The following ZNF765 variants were observed in gnomAD, a reference collection of about 807,000 sequenced individuals.
ZNF765 encodes the protein zinc finger protein 765.
ZNF765 carries 37 observed loss-of-function variants against 44.7 expected under a neutral mutation model. The ratio of observed to expected loss-of-function variants is 0.83; its 90% CI spans 0.64 to 1.09. The LOEUF is 1.09. Ranked by LOEUF, ZNF765 falls within the 50% of genes least tolerant of loss-of-function variation. The pLI, the probability that ZNF765 is intolerant of heterozygous loss-of-function variation, is 0.00. For missense variants in ZNF765, 594 were observed against 626.1 expected, an observed-to-expected ratio of 0.95 and a Z score of 0.55; for synonymous variants, 201 against 213.7, an observed-to-expected ratio of 0.94 and a Z score of 0.52.
intron 3 of ZNF765, among the ~76,000 whole-genome samples, chr19:53,419,693 C>T (rs1456885657): frequency 6.6e-6 from 1 of 152,130 alleles, no homozygotes; most frequent in Non-Finnish European, 1.5e-5. Context: ...CATTATATCC[C>T]CTAAATAGAC....
chr19:53,408,612 A>G lies in ZNF765; in HGVS notation c.1057A>G (p.Lys353Glu), dbSNP rs1484417810. 2 of 1,613,860 alleles carry G rather than the reference A, an allele frequency of 1.2e-6. No individual in the cohort carries two copies. The highest frequency in any genetic ancestry group is 1.7e-5 in the Admixed American group (1 of 59,986). ...CCATCGTAGGCTTCATACTGGAGAG[A>G]AACCTTACAAGTGTAATGAGTGTGG... ...TCHRRLHTGE[K>E]PYKCNECGKT... is the part of the protein sequence containing the mutation. Residue 353 changes from lysine (K) to glutamate (E), a missense_variant, in exon 4 of 4, where the codon AAA becomes GAA. Lys to Glu is a moderately conservative substitution (Grantham distance 56, BLOSUM62 1). Transcript: ENST00000396408.
At chr19:53,397,214 C>G (rs547776022) in intron 1 of ZNF765, among the ~76,000 whole-genome samples, 42 of 152,306 alleles carry the variant, frequency 2.8e-4, no homozygotes, top group African/African-American at 7.9e-4. Context: ...ATTAAACTTT[C>G]TACATACTCC....
chr19:53,396,350 A>G (rs1384113691), intron 1 of ZNF765, among the ~76,000 whole-genome samples: 1 of 152,248 alleles, frequency 6.6e-6, no homozygotes, highest in East Asian at 1.9e-4. Context: ...TGCGGGAGAC[A>G]GAACGATGTT....
intron 1 of ZNF765, 35 bp downstream of exon 1, chr19:53,395,228 T>A (rs1394099326): frequency 2.6e-5 from 4 of 152,260 alleles, no homozygotes; most frequent in Non-Finnish European, 5.9e-5. Context: ...AAGTCTGTGC[T>A]TCCCAGGTCC....
chr19:53,407,878 G>A lies in ZNF765; in HGVS notation c.323G>A (p.Gly108Asp). The A allele has an allele frequency of 6.2e-7, 1 of 1,613,724 alleles. No individual in the cohort carries two copies. Among genetic ancestry groups the A allele is most frequent in the Non-Finnish European group, 8.5e-7 (1 of 1,179,854 alleles). ...EFQWQEDERN[G>D]HEALMTKIKK... ...CAGTGGCAAGAAGATGAAAGAAATGGCCATGAAGCACTCATGACAAAAATC... is the reference window on the plus strand; with the variant it reads ...CAGTGGCAAGAAGATGAAAGAAATGACCATGAAGCACTCATGACAAAAATC... The change falls in exon 4 of 4, where the codon GGC (glycine) becomes GAC (aspartate). Residue 108 changes from glycine to aspartate, a missense_variant. Physicochemically the swap from Gly to Asp is moderately conservative, Grantham distance 94 (BLOSUM62 -1). Transcript: ENST00000396408.
intron 3 of ZNF765, among the ~76,000 whole-genome samples, chr19:53,419,875 T>A (rs1247901815): frequency 2.6e-5 from 4 of 151,478 alleles, no homozygotes; most frequent in Non-Finnish European, 5.9e-5. Flanking sequence ...AACGATTACC[T>A]GGGCATGGTG....
rs535856788 is a variant in ZNF765, at chr19:53,397,099, C to T, written c.-73-844C>T. Reference sequence around the variant, plus strand: ...CTCTAAAGAGGGACTCGGGAGTCTACTTTGTCTAAGTCTGGACTGGAACAT... The same window carrying T: ...CTCTAAAGAGGGACTCGGGAGTCTATTTTGTCTAAGTCTGGACTGGAACAT... On this transcript the variant is annotated intron_variant, in intron 1 of 3. Transcript: ENST00000396408. Among the ~76,000 whole-genome samples the T allele has an allele frequency of 2.2e-4, 33 of 152,366 alleles. No homozygotes were observed. The South Asian group carries it at 2.7e-3, about 12-fold the overall frequency.
chr19:53,413,362 T>C (rs754159038), downstream of ZNF765: 1 of 575,030 alleles, frequency 1.7e-6, no homozygotes, highest in Admixed American at 1.9e-5. Flanking sequence ...GCACGTGAGA[T>C]GGCACACATA....
At chr19:53,422,734 C>A (rs950560718) in intron 3 of ZNF765, among the ~76,000 whole-genome samples, 1 of 152,090 alleles carries the variant, frequency 6.6e-6, no homozygotes, top group Admixed American at 6.6e-5. Flanking sequence ...GTCACTCATG[C>A]ATCACGTTCC....
downstream of ZNF765, among the ~76,000 whole-genome samples, chr19:53,416,799 C>T (rs1008046448): frequency 1.3e-5 from 2 of 150,732 alleles, no homozygotes; most frequent in African/African-American, 2.4e-5. Context: ...CAGTTGTGCT[C>T]ACGTGTCCAT....
rs184240254 is a variant in ZNF765, at chr19:53,410,460, C to T, written c.*1333C>T. ...TGTGACAAGGCTTTCAGGCATAATT[C>T]GCACCTGGCACAACATCCTAGAATT... is the stretch of plus-strand genomic sequence containing the variant. On this transcript the variant is annotated 3_prime_UTR_variant, in exon 4 of 4. Coordinates refer to ENST00000396408, the MANE Select transcript of ZNF765 (RefSeq NM_001040185.3). The T allele has an allele frequency of 2.5e-5, 9 of 360,108 alleles. 1 individual carries two copies. The highest frequency in any genetic ancestry group is 1.0e-4 in the South Asian group (4 of 38,796). 22.3% of individuals were successfully genotyped at this position (360,108 alleles called of 1,614,324 possible).
chr19:53,399,654 C>A (rs1160850759), intron 2 of ZNF765, among the ~76,000 whole-genome samples: 2 of 151,104 alleles, frequency 1.3e-5, no homozygotes, highest in African/African-American at 2.4e-5. Flanking sequence ...GCACCCCAGC[C>A]TGGGCACAGA....
chr19:53,414,263 C>A (rs1189640754), downstream of ZNF765, among the ~76,000 whole-genome samples: 3 of 74,548 alleles, frequency 4.0e-5, 1 homozygote, highest in Non-Finnish European at 3.1e-5. Context: ...AAGAAACTTG[C>A]AGCAAACATG....
Position 53,408,267 on chromosome 19 carries a change from T to A in ZNF765, c.712T>A (p.Leu238Ile), listed in dbSNP as rs1459105454. ...SLLRKHQLIH[L>I]GEKQYKCDIC... Reference sequence around the variant, plus strand: ...CTTAAGGAAACATCAGTTAATCCATTTAGGAGAGAAACAATATAAATGCGA... The same window carrying A: ...CTTAAGGAAACATCAGTTAATCCATATAGGAGAGAAACAATATAAATGCGA... The change falls in exon 4 of 4, where the codon TTA (leucine) becomes ATA (isoleucine). Residue 238 changes from leucine (L) to isoleucine (I), a missense_variant. By Grantham distance (5) the Leu-to-Ile change is conservative. Coordinates refer to ENST00000396408, the MANE Select transcript of ZNF765 (RefSeq NM_001040185.3). The A allele has an allele frequency of 6.2e-7, 1 of 1,614,198 alleles. No individual in the cohort carries two copies. The highest frequency in any genetic ancestry group is 8.5e-7 in the Non-Finnish European group (1 of 1,180,032).
intron 3 of ZNF765, among the ~76,000 whole-genome samples, chr19:53,417,998 G>A (rs1292663245): frequency 1.3e-5 from 2 of 152,140 alleles, no homozygotes; most frequent in African/African-American, 4.8e-5. Flanking sequence ...CAGGGATCAA[G>A]GAGAAGAAAG....
rs535191602 is a variant in ZNF765 at position 53,408,986 on chromosome 19, G to T, written c.1431G>T (p.Arg477=). The stretch of plus-strand genomic sequence containing the variant: ...ATGAGTGTGGCAAGACCTTCAGCCG[G>T]ACGTCATCCCTTACATACCATCATA... ...KCNECGKTFS[R]TSSLTYHHRL... is the part of the protein sequence containing the mutation. The change falls in exon 4 of 4, where the codon CGG becomes CGT. Residue 477 remains arginine (R), a synonymous_variant. Coordinates refer to ENST00000396408, the MANE Select transcript of ZNF765 (RefSeq NM_001040185.3). The T allele has an allele frequency of 9.4e-6, 15 of 1,603,016 alleles. No individual in the cohort carries two copies. The African/African-American group carries it at 1.7e-4, about 19-fold the overall frequency.
At chr19:53,418,611 A>T (rs1177610770) in intron 3 of ZNF765, among the ~76,000 whole-genome samples, 1 of 151,822 alleles carries the variant, frequency 6.6e-6, no homozygotes, top group African/African-American at 2.4e-5. Flanking sequence ...AGAAGTCCAG[A>T]TATGGCCGGG....
intron 3 of ZNF765, among the ~76,000 whole-genome samples, chr19:53,417,489 A>G (rs1287834945): frequency 6.6e-6 from 1 of 152,184 alleles, no homozygotes; most frequent in Non-Finnish European, 1.5e-5. Flanking sequence ...ATAGTATTCC[A>G]TGGTGTATAG....
chr19:53,395,622 CCTTGT>C (rs2085659913), intron 1 of ZNF765, among the ~76,000 whole-genome samples: 1 of 152,256 alleles, frequency 6.6e-6, no homozygotes, highest in Admixed American at 6.5e-5. Flanking sequence ...CAGACCCCAC[CCTTGT>C]CTTAAGGCGC....
Sources: allele counts gnomAD v4.1 joint callset (sites outside exome capture counted in the v4.1 genomes callset), GRCh38; gene constraint gnomAD v4.1.1; transcripts MANE v1.5; gene names NCBI Gene and HGNC (gene_info 2026-07-23, HGNC 2026-07-21).